The following CAMTA1 variants were observed in gnomAD, a reference collection of about 807,000 sequenced individuals.
CAMTA1 encodes the protein calmodulin binding transcription activator 1.
CAMTA1 carries 27 observed loss-of-function variants against 170.9 expected under a neutral mutation model. That is an observed-to-expected ratio of 0.16 (90% CI 0.12 to 0.22). The LOEUF is 0.22. Among genes scored for constraint, CAMTA1 ranks in the 10% least tolerant of loss-of-function variants. The probability of loss-of-function intolerance (pLI) is 1.00; values close to 1 mark genes in which losing one functional copy is unlikely to be tolerated. For synonymous variants in CAMTA1, 833 were observed against 891.5 expected (o/e 0.93, Z 1.17); for missense variants, 1,619 against 2,217.2 (o/e 0.73, Z 5.42).
At chr1:7,083,647 G>A (rs982078354) in intron 3 of CAMTA1, among the ~76,000 whole-genome samples, 1 of 152,224 alleles carries the variant, frequency 6.6e-6, no homozygotes, top group Admixed American at 6.5e-5. Context: ...CTGGGAGAGG[G>A]CAGGGCCTGG....
chr1:6,829,504 A>G (rs1240766137), intron 3 of CAMTA1, among the ~76,000 whole-genome samples: 2 of 152,208 alleles, frequency 1.3e-5, no homozygotes, highest in East Asian at 3.8e-4. Context: ...AGATGACACA[A>G]GGAGTGAAGG....
intron 3 of CAMTA1, among the ~76,000 whole-genome samples, chr1:6,839,109 A>G (rs1043631943): frequency 6.6e-6 from 1 of 151,894 alleles, no homozygotes; most frequent in African/African-American, 2.4e-5. Context: ...TTGGCTGGGT[A>G]TGGTGGCTCA....
chr1:7,410,816 C>T (rs527737903), intron 5 of CAMTA1, among the ~76,000 whole-genome samples: 52 of 152,194 alleles, frequency 3.4e-4, no homozygotes, highest in African/African-American at 9.9e-4. Flanking sequence ...TGGGCCCACA[C>T]GGGGCGCTCT....
rs953182059 is a variant in CAMTA1 at position 7,588,727 on chromosome 1, C to G, written c.511-51673C>G. Among the ~76,000 whole-genome samples, 1 of 152,214 alleles carries G rather than the reference C, an allele frequency of 6.6e-6. No homozygotes were observed. Among genetic ancestry groups the G allele is most frequent in the Admixed American group, 6.5e-5 (1 of 15,290 alleles). On this transcript the variant is annotated intron_variant, in intron 6 of 22. Coordinates refer to ENST00000303635, the MANE Select transcript of CAMTA1 (RefSeq NM_015215.4). This position sits in a 1 kb window ranked among gnomAD's most constrained non-coding sequence, Gnocchi z 5.8. ...CCTCTGCTCTCTGCCAGTGAGGTAC[C>G]TGCCCCTGGAGCGGGACCAACAGCT...
intron 4 of CAMTA1, chr1:7,142,130 T>C (rs970973): frequency 0.55 from 285,399 of 518,042 alleles, 79,909 homozygotes; most frequent in African/African-American, 0.7. Flanking sequence ...TGCCCAGATG[T>C]TCCTCTGCAG....
intron 4 of CAMTA1, among the ~76,000 whole-genome samples, chr1:7,099,333 G>A (rs1642449245): frequency 6.6e-6 from 1 of 152,192 alleles, no homozygotes; most frequent in Non-Finnish European, 1.5e-5. Flanking sequence ...TTACAGGCAT[G>A]AGTCAGTGCG....
intron 6 of CAMTA1, among the ~76,000 whole-genome samples, chr1:7,483,393 C>T (rs2093568446): frequency 6.6e-6 from 1 of 152,206 alleles, no homozygotes; most frequent in Non-Finnish European, 1.5e-5. Flanking sequence ...CCAGAGACTG[C>T]AGTCTGGGAG....
In CAMTA1 at chr1:7,333,232, G is replaced by A. The variant is rs749970946; in HGVS notation, c.438+83606G>A. ...GGACAGGGATAGCAAACATGTCAGA[G>A]GATGACTCTCAGGTGATTATGAGCT... On this transcript the variant is annotated intron_variant, in intron 5 of 22. Transcript: ENST00000303635. This position sits in a 1 kb window ranked among gnomAD's most constrained non-coding sequence, Gnocchi z 4.4. 1.3e-5 allele frequency among the ~76,000 whole-genome samples: 2 copies of A among 152,206 alleles called. No individual in the cohort carries two copies. Among genetic ancestry groups the A allele is most frequent in the Non-Finnish European group, 2.9e-5 (2 of 68,028 alleles).
intron 6 of CAMTA1, among the ~76,000 whole-genome samples, chr1:7,574,401 G>A (rs2150353515): frequency 6.6e-6 from 1 of 152,306 alleles, no homozygotes; most frequent in South Asian, 2.1e-4. Context: ...AGTGAGCTGT[G>A]GTGTTGGGGA....
intron 4 of CAMTA1, among the ~76,000 whole-genome samples, chr1:7,132,783 C>G (rs1377194302): frequency 1.3e-5 from 2 of 152,124 alleles, no homozygotes; most frequent in Admixed American, 6.5e-5. Context: ...GACTAAAAAC[C>G]TTACTGAGAT....
At position 7,492,597 on chromosome 1, in the gene CAMTA1, GTGCA is replaced by G. The variant is rs1190212527; in HGVS notation, c.510+24697_510+24700del. On this transcript the variant is annotated intron_variant, in intron 6 of 22. Coordinates refer to ENST00000303635, the MANE Select transcript of CAMTA1 (RefSeq NM_015215.4). ...AACGCAAACCTACATACACACACGCGTGCACACACACACACAAATGTACATACAC... is the reference window on the plus strand; with the variant it reads ...AACGCAAACCTACATACACACACGCGCACACACACACAAATGTACATACAC... Among the ~76,000 whole-genome samples, 613 of 105,964 alleles carry G rather than the reference GTGCA, an allele frequency of 5.8e-3. 3 individuals carry two copies. The highest frequency in any genetic ancestry group is 0.038 in the African/African-American group (580 of 15,346). 69.5% of individuals were successfully genotyped at this position (105,964 alleles called of 152,430 possible).
intron 1 of CAMTA1, among the ~76,000 whole-genome samples, chr1:6,788,469 G>A (rs1640073491): frequency 6.6e-6 from 1 of 152,184 alleles, no homozygotes; most frequent in Admixed American, 6.5e-5. Context: ...GATTCCCAAT[G>A]TCAGAAAGTA....
At chr1:7,025,907 A>G (rs1292390889) in intron 3 of CAMTA1, among the ~76,000 whole-genome samples, 1 of 152,128 alleles carries the variant, frequency 6.6e-6, no homozygotes, top group African/African-American at 2.4e-5. Context: ...GCTTGAGCCT[A>G]GGAGTTAGAG....
chr1:7,051,159 A>G (rs1312116766), intron 3 of CAMTA1, among the ~76,000 whole-genome samples: 1 of 152,174 alleles, frequency 6.6e-6, no homozygotes, highest in Non-Finnish European at 1.5e-5. Flanking sequence ...GCTTAGCGGA[A>G]GGTTGATACA....
At position 7,565,207 on chromosome 1, in the gene CAMTA1, A is replaced by G. The variant is rs914966094; in HGVS notation, c.511-75193A>G. ...CACTGGGGCAGAAGGTGGGATCTCC[A>G]TCTGTCCCTCCTCATTCCCCGGAGA... On this transcript the variant is annotated intron_variant, in intron 6 of 22. Coordinates refer to ENST00000303635, the MANE Select transcript of CAMTA1 (RefSeq NM_015215.4). The surrounding 1 kb of genome is among the most constrained non-coding windows in gnomAD (Gnocchi z 4.5). 2.0e-5 allele frequency among the ~76,000 whole-genome samples: 3 copies of G among 152,146 alleles called. No homozygotes were observed. Among genetic ancestry groups the G allele is most frequent in the African/African-American group, 4.8e-5 (2 of 41,438 alleles).
intron 4 of CAMTA1, among the ~76,000 whole-genome samples, chr1:7,157,455 A>T (rs1198918776): frequency 2.6e-5 from 4 of 152,182 alleles, no homozygotes; most frequent in Non-Finnish European, 5.9e-5. Context: ...TAGCTATCAA[A>T]AGTCTGTAGC....
intron 5 of CAMTA1, among the ~76,000 whole-genome samples, chr1:7,257,076 C>CAGG (rs1553291545): frequency 1.5e-5 from 2 of 135,134 alleles, no homozygotes; most frequent in Admixed American, 7.5e-5. Context: ...CATCGCATGG[C>CAGG]GGGGGCGGGG....
chr1:6,948,379 G>A (rs1050093284), intron 3 of CAMTA1, among the ~76,000 whole-genome samples: 3 of 152,150 alleles, frequency 2.0e-5, no homozygotes, highest in Admixed American at 6.5e-5. Flanking sequence ...TCTGTGTACC[G>A]GCTGCTTCCC....
chr1:7,748,238 AAAAC>A lies in CAMTA1; in HGVS notation c.4689+489_4689+492del, dbSNP rs138857646. Among the ~76,000 whole-genome samples the A allele has an allele frequency of 0.3, 45,757 of 150,748 alleles. 7,457 individuals carry two copies. The highest frequency in any genetic ancestry group is 0.52 in the East Asian group (2,632 of 5,076). On this transcript the variant is annotated intron_variant, in intron 19 of 22. Coordinates refer to ENST00000303635, the MANE Select transcript of CAMTA1 (RefSeq NM_015215.4). The surrounding 1 kb of genome is among the most constrained non-coding windows in gnomAD (Gnocchi z 4.7). ...GAGACTTAATTTGAACTGCCATGAT[AAAAC>A]AAACAAACAAACAAACAAACAAACA... is the stretch of plus-strand genomic sequence containing the variant.
Sources: gnomAD v4.1 joint callset for allele counts (sites outside exome capture counted in the v4.1 genomes callset) on GRCh38, gnomAD v4.1.1 for gene constraint, Gnocchi (gnomAD v3.1) non-coding constraint, MANE v1.5 for transcripts, NCBI Gene and HGNC (gene_info 2026-07-23, HGNC 2026-07-21) for gene names.